The following SRSF9 variants were observed in gnomAD, a reference collection of about 807,000 sequenced individuals.
SRSF9 encodes the protein serine and arginine rich splicing factor 9.
SRSF9 carries 3 observed loss-of-function variants against 25.9 expected under a neutral mutation model. The observed-to-expected ratio is 0.12, with a 90% CI of 0.05 to 0.30. The LOEUF (loss-of-function observed/expected upper bound fraction) is 0.30. Ranked by LOEUF, SRSF9 falls within the 10% of genes least tolerant of loss-of-function variation. The pLI is 1.00. For synonymous variants in SRSF9, 114 were observed against 113.2 expected (o/e 1.01, Z -0.05); for missense variants, 161 against 303.5 (o/e 0.53, Z 3.49).
At position 120,465,804 on chromosome 12, in the gene SRSF9, C is replaced by CAAA; in HGVS notation, c.189-18_189-17insTTT. ...TCTGCATCTCTAAAAAAAACAACAA[C>CAAA]AACAAAAAAAACGTTTGGAGTTAGT... On this transcript the variant is annotated splice_polypyrimidine_tract_variant and intron_variant, in intron 1 of 3. Coordinates refer to ENST00000229390, the MANE Select transcript of SRSF9 (RefSeq NM_003769.3). 3 of 1,531,154 alleles carry CAAA rather than the reference C, an allele frequency of 2.0e-6. No homozygotes were observed. Among genetic ancestry groups the CAAA allele is most frequent in the Admixed American group, 4.6e-5 (2 of 43,784 alleles). 94.8% of individuals were successfully genotyped at this position (1,531,154 alleles called of 1,614,324 possible). A position where few individuals can be genotyped will look rare whatever the true frequency, so the allele number is the denominator to read the frequency against.
intron 3 of SRSF9, 109 bp from the exon 4 acceptor site, chr12:120,462,271 T>C (rs999184578): frequency 9.2e-6 from 11 of 1,200,646 alleles, no homozygotes; most frequent in Non-Finnish European, 1.2e-5. Flanking sequence ...ACTTACTGTG[T>C]ACTCTGTGCC....
chr12:120,469,129 A>G lies in SRSF9; in HGVS notation c.188+293T>C, dbSNP rs973282050. On this transcript the variant is annotated intron_variant, in intron 1 of 3. Transcript: ENST00000229390. ...CAGGAGGCGGACAAGGCTCATTTGG[A>G]CCCCCCGAGGCCGGTGCAGGCGGGC... Among the ~76,000 whole-genome samples, 24 of 151,618 alleles carry G rather than the reference A, an allele frequency of 1.6e-4. 1 individual carries two copies. Among genetic ancestry groups the G allele is most frequent in the Admixed American group, 1.4e-3 (21 of 15,254 alleles).
At chr12:120,467,950 C>T (rs985552708) in intron 1 of SRSF9, among the ~76,000 whole-genome samples, 5 of 134,270 alleles carry the variant, frequency 3.7e-5, no homozygotes, top group African/African-American at 1.4e-4. Context: ...GAAAAATCAG[C>T]CAGGCATGAT....
intron 3 of SRSF9, 62 bp from the exon 4 acceptor site, chr12:120,462,224 C>T: frequency 6.6e-7 from 1 of 1,520,022 alleles, no homozygotes; most frequent in Non-Finnish European, 8.9e-7. Context: ...GAAGAATAAG[C>T]AAACCAACAT....
At chr12:120,466,030 C>T (rs921666357) in intron 1 of SRSF9, among the ~76,000 whole-genome samples, 19 of 152,024 alleles carry the variant, frequency 1.2e-4, no homozygotes, top group African/African-American at 4.6e-4. Flanking sequence ...AATGAATGAG[C>T]AAACAGATTA....
chr12:120,462,859 AAGTC>A (rs1361951800), intron 3 of SRSF9: 1 of 152,204 alleles, frequency 6.6e-6, no homozygotes. Context: ...CCTTAGGTGA[AAGTC>A]AGTAATTGGA....
intron 1 of SRSF9, among the ~76,000 whole-genome samples, chr12:120,466,228 G>A (rs142299994): frequency 1.9e-3 from 295 of 152,202 alleles, no homozygotes; most frequent in East Asian, 3.5e-3. Context: ...AAAAGTAGGC[G>A]GTTAGCCAGG....
At chr12:120,465,501 C>CA in intron 2 of SRSF9, 126 bp downstream of exon 2, 3 of 1,060,288 alleles carry the variant, frequency 2.8e-6, no homozygotes. Flanking sequence ...AGGCTTCACA[C>CA]AGGCTATTGA....
chr12:120,469,344 G>A (rs61945873), intron 1 of SRSF9, 78 bp downstream of exon 1: 187,660 of 1,047,870 alleles, frequency 0.18, 18,178 homozygotes, highest in African/African-American at 0.28. Flanking sequence ...GGGGAGGGGA[G>A]CCCTGGGGGA....
Position 120,465,694 on chromosome 12 carries a change from A to G in SRSF9, c.282T>C (p.Gly94=). 1 of 1,604,404 alleles carries G rather than the reference A, an allele frequency of 6.2e-7. No homozygotes were observed. The highest frequency in any genetic ancestry group is 1.1e-5 in the South Asian group (1 of 89,334). Residue 94 remains glycine (G), a synonymous_variant, in exon 2 of 4, where the codon GGT becomes GGC. Coordinates refer to ENST00000229390, the MANE Select transcript of SRSF9 (RefSeq NM_003769.3). ...CATTCCTCCCACCACGGGGCCACCC[A>G]CCCCGACCTCCATAAGTCCTGGGGA... ...VEFPRTYGGR[G]GWPRGGRNGP... is the part of the protein sequence containing the mutation.
intron 2 of SRSF9, chr12:120,464,378 T>C (rs974604261): frequency 4.4e-5 from 16 of 365,454 alleles, no homozygotes; most frequent in African/African-American, 2.9e-4. Flanking sequence ...GTCCATCCCA[T>C]TACAGGTTTA....
intron 2 of SRSF9, 54 bp downstream of exon 2, chr12:120,465,573 C>T (rs1214081447): frequency 6.6e-7 from 1 of 1,511,918 alleles, no homozygotes; most frequent in Non-Finnish European, 8.8e-7. Context: ...GGAAGACAGA[C>T]TCTGTGTTAA....
At position 120,469,531 on chromosome 12, in the gene SRSF9, C is replaced by T. The variant is rs1197713806; in HGVS notation, c.79G>A (p.Glu27Lys). The stretch of plus-strand genomic sequence containing the variant: ...TAGAACAGGTCCTCCAAGTCCTTCT[C>T]GCGCACGTCGGTCGGAAGGTTCCCC... ...YVGNLPTDVREKDLEDLFYKY... is the reference protein window; with the variant it reads ...YVGNLPTDVRKKDLEDLFYKY... Residue 27 changes from glutamate (E) to lysine (K), a missense_variant, in exon 1 of 4, where the codon GAG becomes AAG. Physicochemically the swap from Glu to Lys is moderately conservative, Grantham distance 56 (BLOSUM62 1). Coordinates refer to ENST00000229390, the MANE Select transcript of SRSF9 (RefSeq NM_003769.3). The T allele has an allele frequency of 6.3e-7, 1 of 1,590,868 alleles. No homozygotes were observed. Among genetic ancestry groups the T allele is most frequent in the Non-Finnish European group, 8.5e-7 (1 of 1,170,712 alleles).
chr12:120,465,040 C>T (rs1187110699), intron 2 of SRSF9: 1 of 152,110 alleles, frequency 6.6e-6, no homozygotes, highest in Non-Finnish European at 1.5e-5. Flanking sequence ...TCCACCAGGG[C>T]CCTAAAACTC....
chr12:120,465,525 G>T, intron 2 of SRSF9, 102 bp downstream of exon 2: 1 of 1,295,380 alleles, frequency 7.7e-7, no homozygotes, highest in Non-Finnish European at 1.0e-6. Flanking sequence ...GAAAGCCCCC[G>T]TGTCCCATGC....
intron 1 of SRSF9, among the ~76,000 whole-genome samples, chr12:120,466,369 C>A (rs939948489): frequency 4.6e-5 from 7 of 151,858 alleles, no homozygotes; most frequent in Non-Finnish European, 1.0e-4. Flanking sequence ...AAAAAAGTAG[C>A]CAGTTAGATA....
At chr12:120,463,347 T>A (rs1878405037) in intron 3 of SRSF9, 1 of 152,220 alleles carries the variant, frequency 6.6e-6, no homozygotes. Context: ...GTGGGAGGAC[T>A]GCTTGGGCCC....
chr12:120,464,893 G>A (rs768122157), intron 2 of SRSF9: 1 of 152,196 alleles, frequency 6.6e-6, no homozygotes, highest in Non-Finnish European at 1.5e-5. Context: ...AGGGAATAGA[G>A]TTCTGGGGTT....
intron 1 of SRSF9, among the ~76,000 whole-genome samples, chr12:120,467,576 G>A (rs912551522): frequency 3.3e-5 from 5 of 152,110 alleles, no homozygotes; most frequent in African/African-American, 1.2e-4. Context: ...TCATCTCTGG[G>A]TAAGTGTTTA....
Sources: gnomAD v4.1 joint callset for allele counts (sites outside exome capture counted in the v4.1 genomes callset) on GRCh38, gnomAD v4.1.1 for gene constraint, MANE v1.5 for transcripts, NCBI Gene and HGNC (gene_info 2026-07-23, HGNC 2026-07-21) for gene names.